DOP1A: variants seen among roughly 807,000 people sequenced by gnomAD.
DOP1A encodes protein DOP1A.
In DOP1A, 90 loss-of-function variants were observed where a neutral mutation model predicts 267.6. The ratio of observed to expected loss-of-function variants is 0.34; its 90% CI spans 0.28 to 0.40. The LOEUF (loss-of-function observed/expected upper bound fraction) is 0.40. Among genes scored for constraint, DOP1A ranks in the 10% least tolerant of loss-of-function variants. The probability of loss-of-function intolerance (pLI) is 1.00; values close to 1 mark genes in which losing one functional copy is unlikely to be tolerated. For missense variants in DOP1A, 2,437 were observed against 2,900.4 expected, an observed-to-expected ratio of 0.84 and a Z score of 3.67; for synonymous variants, 932 against 999.1, an observed-to-expected ratio of 0.93 and a Z score of 1.27.
rs1298361444 is a variant in DOP1A, at chr6:83,099,197, C to A, written c.139-1508C>A. On this transcript the variant is annotated intron_variant, in intron 3 of 38. Coordinates refer to ENST00000349129, the MANE Select transcript of DOP1A (RefSeq NM_015018.4). ...AAACCTACAGACACACTCTCACTCA[C>A]AATACCACACCAGGACACTAGTTTT... Among the ~76,000 whole-genome samples the A allele has an allele frequency of 5.3e-5, 8 of 152,072 alleles. 1 individual carries two copies. Among genetic ancestry groups the A allele is most frequent in the Non-Finnish European group, 1.0e-4 (7 of 68,020 alleles).
Position 83,109,843 on chromosome 6 carries a change from GT to G in DOP1A, c.492-278del, listed in dbSNP as rs1228448649. 3.3e-5 allele frequency among the ~76,000 whole-genome samples: 5 copies of G among 152,236 alleles called. 1 individual carries two copies. In the East Asian group the frequency reaches 5.8e-4, roughly 18 times the overall value. On this transcript the variant is annotated intron_variant, in intron 5 of 38. Coordinates refer to ENST00000349129, the MANE Select transcript of DOP1A (RefSeq NM_015018.4). Reference sequence around the variant, plus strand: ...AGGTAGATAGGTCTTGTGGTGGAGTGTTTTGTTGTTGTTGTTCTCTTCATTT... The same window carrying G: ...AGGTAGATAGGTCTTGTGGTGGAGTGTTTGTTGTTGTTGTTCTCTTCATTT...
chr6:83,138,481 T>C lies in DOP1A; in HGVS notation c.4439T>C (p.Ile1480Thr). 6.2e-7 allele frequency: 1 copy of C among 1,613,258 alleles called. No homozygotes were observed. The highest frequency in any genetic ancestry group is 8.5e-7 in the Non-Finnish European group (1 of 1,179,916). ...THVKVTAQDLIGNRNMQMMSI... is the reference protein window; with the variant it reads ...THVKVTAQDLTGNRNMQMMSI... The stretch of plus-strand genomic sequence containing the variant: ...GTCAAGGTTACTGCACAAGATTTAA[T>C]AGGCAATCGAAACATGCAAATGATG... Residue 1480 changes from isoleucine (I) to threonine (T), a missense_variant, in exon 21 of 39, where the codon ATA (isoleucine) becomes ACA (threonine). Physicochemically the swap from Ile to Thr is moderately conservative, Grantham distance 89. Transcript: ENST00000349129.
chr6:83,098,600 T>A (rs1307073239), intron 3 of DOP1A, among the ~76,000 whole-genome samples: 4 of 152,192 alleles, frequency 2.6e-5, no homozygotes, highest in African/African-American at 7.2e-5. Flanking sequence ...GGGTACTGGT[T>A]CATTATAAAG....
chr6:83,122,763 C>A, intron 11 of DOP1A, 100 bp from the exon 12 acceptor site: 1 of 814,776 alleles, frequency 1.2e-6, no homozygotes, highest in Non-Finnish European at 1.7e-6. Context: ...CATTTTCTAG[C>A]AACTACCTAG....
At chr6:83,072,103 C>T (rs1399665228) in intron 1 of DOP1A, among the ~76,000 whole-genome samples, 1 of 152,078 alleles carries the variant, frequency 6.6e-6, no homozygotes, top group African/African-American at 2.4e-5. Flanking sequence ...GAGATGACAC[C>T]TTCTACTCTC....
Position 83,157,770 on chromosome 6 carries a change from C to T in DOP1A, c.6741+452C>T, listed in dbSNP as rs548969168. On this transcript the variant is annotated intron_variant, in intron 35 of 38. Transcript: ENST00000349129. ...CCCATTTAAACTTGCTTCAGAGAGACTTTCACAAAGATTTTGTAACCTACC... is the reference window on the plus strand; with the variant it reads ...CCCATTTAAACTTGCTTCAGAGAGATTTTCACAAAGATTTTGTAACCTACC... Among the ~76,000 whole-genome samples the T allele has an allele frequency of 3.3e-5, 5 of 152,258 alleles. No individual in the cohort carries two copies. The South Asian group carries it at 1.0e-3, about 32-fold the overall frequency.
intron 38 of DOP1A, chr6:83,166,428 C>T (rs1785622858): frequency 2.8e-6 from 2 of 702,002 alleles, no homozygotes; most frequent in African/African-American, 1.7e-5. Context: ...GGGCCAAATG[C>T]ATTGTTGATG....
chr6:83,096,791 A>G lies in DOP1A; in HGVS notation c.-86A>G. The stretch of plus-strand genomic sequence containing the variant: ...TTTGAATACTTCCATGACCCTGAAC[A>G]CTAGCTGAGGAGAGTTTCAACCACT... On this transcript the variant is annotated 5_prime_UTR_variant, in exon 2 of 39. Transcript: ENST00000349129. The G allele has an allele frequency of 3.6e-6, 2 of 548,514 alleles. No homozygotes were observed. Among genetic ancestry groups the G allele is most frequent in the Non-Finnish European group, 3.1e-6 (1 of 321,972 alleles). 34.0% of individuals were successfully genotyped at this position (548,514 alleles called of 1,614,324 possible).
chr6:83,139,205 CAT>C, intron 21 of DOP1A, 43 bp downstream of exon 21: 1 of 1,409,150 alleles, frequency 7.1e-7, no homozygotes, highest in Non-Finnish European at 9.9e-7. Context: ...ACATTTTTCA[CAT>C]ATATGACTGC....
chr6:83,082,993 A>C (rs1768406331), intron 1 of DOP1A, among the ~76,000 whole-genome samples: 1 of 151,952 alleles, frequency 6.6e-6, no homozygotes, highest in Admixed American at 6.6e-5. Context: ...TTTTTATTAG[A>C]GATGGGATTT....
At chr6:83,110,871 AT>A (rs1774433176) in intron 6 of DOP1A, among the ~76,000 whole-genome samples, 1 of 152,154 alleles carries the variant, frequency 6.6e-6, no homozygotes, top group African/African-American at 2.4e-5. Flanking sequence ...AGTGAAGTTA[AT>A]TTATGTACAC....
chr6:83,089,773 C>G (rs1224552978), intron 1 of DOP1A, among the ~76,000 whole-genome samples: 1 of 152,078 alleles, frequency 6.6e-6, no homozygotes, highest in African/African-American at 2.4e-5. Flanking sequence ...AACAAAACAG[C>G]TCATTTGACA....
At chr6:83,072,470 G>T (rs1204583217) in intron 1 of DOP1A, among the ~76,000 whole-genome samples, 3 of 152,120 alleles carry the variant, frequency 2.0e-5, no homozygotes, top group Non-Finnish European at 4.4e-5. Flanking sequence ...AAGGTTCTGG[G>T]ATACAACCTA....
downstream of DOP1A, among the ~76,000 whole-genome samples, chr6:83,170,081 A>AG (rs1214239208): frequency 6.6e-6 from 1 of 152,244 alleles, no homozygotes; most frequent in Non-Finnish European, 1.5e-5. Flanking sequence ...CAGGAAGTCT[A>AG]GAATAAGTCA....
At chr6:83,068,836 T>C (rs925635771) in intron 1 of DOP1A, among the ~76,000 whole-genome samples, 4 of 152,252 alleles carry the variant, frequency 2.6e-5, no homozygotes, top group Admixed American at 6.5e-5. Flanking sequence ...ACGAGTAGTC[T>C]AAATGCTTTA....
At chr6:83,076,347 C>T (rs1257900821) in intron 1 of DOP1A, among the ~76,000 whole-genome samples, 2 of 152,054 alleles carry the variant, frequency 1.3e-5, no homozygotes, top group East Asian at 1.9e-4. Context: ...CATGGTGAAA[C>T]CCGGTCTCTA....
Position 83,134,175 on chromosome 6 carries a change from G to A in DOP1A, c.2770-12G>A. On this transcript the variant is annotated splice_polypyrimidine_tract_variant and intron_variant, in intron 18 of 38. Coordinates refer to ENST00000349129, the MANE Select transcript of DOP1A (RefSeq NM_015018.4). The stretch of plus-strand genomic sequence containing the variant: ...AGAAGAACATAATTTAAGCTCCCAT[G>A]TTTCTCCTCAGAAAATAAGGATGGA... The A allele has an allele frequency of 6.2e-7, 1 of 1,608,646 alleles. No homozygotes were observed. Among genetic ancestry groups the A allele is most frequent in the Non-Finnish European group, 8.5e-7 (1 of 1,176,910 alleles).
intron 7 of DOP1A, among the ~76,000 whole-genome samples, chr6:83,114,255 C>T (rs1775042591): frequency 6.6e-6 from 1 of 152,048 alleles, no homozygotes; most frequent in Non-Finnish European, 1.5e-5. Flanking sequence ...TTCTACTCTT[C>T]CTTGTCTATA....
chr6:83,113,633 A>G (rs768715132), intron 7 of DOP1A, among the ~76,000 whole-genome samples: 11 of 152,212 alleles, frequency 7.2e-5, no homozygotes, highest in Non-Finnish European at 1.3e-4. Flanking sequence ...ATGGTCATTG[A>G]AGTAGATTAT....
Sources: allele counts gnomAD v4.1 joint callset (sites outside exome capture counted in the v4.1 genomes callset), GRCh38; gene constraint gnomAD v4.1.1; transcripts MANE v1.5; gene names NCBI Gene and HGNC (gene_info 2026-07-23, HGNC 2026-07-21).